Variants in RPA1 observed in about 807,000 individuals in gnomAD.
The protein encoded by RPA1 is replication protein A 70 kDa DNA-binding subunit.
A neutral mutation model predicts 83.0 loss-of-function variants in RPA1; 49 were observed. That is an observed-to-expected ratio of 0.59 (90% CI 0.47 to 0.75). The LOEUF is 0.75. Ranked by LOEUF, RPA1 falls within the 30% of genes least tolerant of loss-of-function variation. The probability of loss-of-function intolerance (pLI) is 0.00; values close to 1 mark genes in which losing one functional copy is unlikely to be tolerated. For missense variants in RPA1, 693 were observed against 776.1 expected (o/e 0.89, Z 1.27); for synonymous variants, 279 against 281.8 (o/e 0.99, Z 0.10).
chr17:1,853,171 C>A lies in RPA1; in HGVS notation c.343C>A (p.Pro115Thr). The change falls in exon 5 of 17, where the codon CCA (proline) becomes ACA (threonine). Residue 115 changes from proline (P) to threonine (T), a missense_variant. Transcript: ENST00000254719. ...AGCAGTTGGAGTGAAGATTGGCAAT[C>A]CAGTGCCCTATAATGAAGGTAAAAT... The part of the protein sequence containing the change: ...AEAVGVKIGN[P>T]VPYNEGLGQP... 1 of 1,613,906 alleles carries A rather than the reference C, an allele frequency of 6.2e-7. No homozygotes were observed. The highest frequency in any genetic ancestry group is 8.5e-7 in the Non-Finnish European group (1 of 1,179,826).
At chr17:1,843,598 CATTATTATTATTATT>C (rs139126914) in intron 2 of RPA1, among the ~76,000 whole-genome samples, 21 of 141,118 alleles carry the variant, frequency 1.5e-4, no homozygotes, top group African/African-American at 5.5e-4. Context: ...TTGGGTGCTT[CATTATTATTATTATT>C]ATTATTATTA....
At chr17:1,857,472 G>A (rs1843894219) in intron 5 of RPA1, among the ~76,000 whole-genome samples, 1 of 151,544 alleles carries the variant, frequency 6.6e-6, no homozygotes, top group South Asian at 2.1e-4. Context: ...GCTGCTCCAA[G>A]AACTAACTAG....
intron 5 of RPA1, among the ~76,000 whole-genome samples, chr17:1,864,008 A>G (rs775858050): frequency 2.0e-5 from 3 of 152,260 alleles, no homozygotes; most frequent in Non-Finnish European, 4.4e-5. Context: ...CATTGAAAAT[A>G]TAAAATCGAC....
chr17:1,836,405 C>T lies in RPA1; in HGVS notation c.33+6279C>T, dbSNP rs529756412. On this transcript the variant is annotated intron_variant, in intron 1 of 16. Coordinates refer to ENST00000254719, the MANE Select transcript of RPA1 (RefSeq NM_002945.5). ...GATTACAGGCATAAGCCACCATGCC[C>T]GGCCAAATTGCACGTATTTTAAATG... is the stretch of plus-strand genomic sequence containing the variant. 5.9e-5 allele frequency among the ~76,000 whole-genome samples: 9 copies of T among 152,200 alleles called. No homozygotes were observed. In the East Asian group the frequency reaches 9.7e-4, roughly 16 times the overall value.
rs1913706258 is a variant in RPA1 at position 1,879,662 on chromosome 17, C to G, written c.1055C>G (p.Ser352Cys). Reference sequence around the variant, plus strand: ...AGGAATATCTACTTGATGGACACATCCGGGAAGGTGGTGACTGCTACACTG... The same window carrying G: ...AGGAATATCTACTTGATGGACACATGCGGGAAGGTGGTGACTGCTACACTG... The part of the protein sequence containing the change: ...AKRNIYLMDT[S>C]GKVVTATLWG... Residue 352 changes from serine to cysteine, a missense_variant, in exon 11 of 17, where the codon TCC becomes TGC. Coordinates refer to ENST00000254719, the MANE Select transcript of RPA1 (RefSeq NM_002945.5). 8.7e-6 allele frequency: 14 copies of G among 1,614,220 alleles called. No individual in the cohort carries two copies. Among genetic ancestry groups the G allele is most frequent in the Non-Finnish European group, 1.2e-5 (14 of 1,180,032 alleles).
intron 5 of RPA1, among the ~76,000 whole-genome samples, chr17:1,865,371 C>T (rs1913138391): frequency 2.0e-5 from 3 of 152,056 alleles, no homozygotes; most frequent in Admixed American, 6.6e-5. Context: ...GAGTCTACTG[C>T]GGGAATGTTA....
At position 1,897,992 on chromosome 17, in the gene RPA1, C is replaced by G. The variant is rs1914509687; in HGVS notation, c.*817C>G. On this transcript the variant is annotated 3_prime_UTR_variant, in exon 17 of 17. Coordinates refer to ENST00000254719, the MANE Select transcript of RPA1 (RefSeq NM_002945.5). The stretch of plus-strand genomic sequence containing the variant: ...TGTATTTTGTTTTTTTTGACTAAAG[C>G]TATGTTACATGGAAAGGATTTTGAA... The G allele has an allele frequency of 6.6e-6, 1 of 152,194 alleles. No homozygotes were observed. Among genetic ancestry groups the G allele is most frequent in the South Asian group, 2.1e-4 (1 of 4,836 alleles). The allele number at this position is 152,194 out of a possible 1,614,324, so 9.4% of individuals were successfully genotyped here. A position where few individuals can be genotyped will look rare whatever the true frequency, so the allele number is the denominator to read the frequency against.
At chr17:1,896,997 C>A in intron 16 of RPA1, 74 bp from the exon 17 acceptor site, 2 of 1,296,304 alleles carry the variant, frequency 1.5e-6, no homozygotes, top group Non-Finnish European at 2.2e-6. Context: ...TCACTGAAAC[C>A]ACTGAAGCAA....
chr17:1,891,279 C>T (rs756741447), intron 14 of RPA1, among the ~76,000 whole-genome samples: 18 of 152,194 alleles, frequency 1.2e-4, no homozygotes, highest in Non-Finnish European at 2.4e-4. Flanking sequence ...CAGAGGCTCA[C>T]GGGCAGGCTC....
chr17:1,834,105 G>T (rs182512289), intron 1 of RPA1, among the ~76,000 whole-genome samples: 1 of 152,150 alleles, frequency 6.6e-6, no homozygotes, highest in Non-Finnish European at 1.5e-5. Context: ...GCTTGAACCC[G>T]TGAGGCAGAG....
At position 1,877,246 on chromosome 17, in the gene RPA1, C is replaced by T. The variant is rs1471744812; in HGVS notation, c.622C>T (p.Gln208Ter). The T allele has an allele frequency of 6.2e-7, 1 of 1,614,192 alleles. No homozygotes were observed. Among genetic ancestry groups the T allele is most frequent in the South Asian group, 1.1e-5 (1 of 91,072 alleles). Residue 208 changes from glutamine (Q) to a stop codon, truncating the protein, a stop_gained, in exon 8 of 17, where the codon CAG becomes TAG. Coordinates refer to ENST00000254719, the MANE Select transcript of RPA1 (RefSeq NM_002945.5). LOFTEE classifies it high-confidence loss of function. ...TICARVTNKS[Q>*]IRTWSNSRGE... Reference sequence around the variant, plus strand: ...TTGTGCTCGTGTTACCAACAAAAGTCAGATCCGTACCTGGAGCAACTCCCG... The same window carrying T: ...TTGTGCTCGTGTTACCAACAAAAGTTAGATCCGTACCTGGAGCAACTCCCG...
chr17:1,838,639 G>A (rs1597417505), intron 1 of RPA1, among the ~76,000 whole-genome samples: 1 of 149,710 alleles, frequency 6.7e-6, no homozygotes, highest in East Asian at 2.0e-4. Context: ...TTGCCTACCC[G>A]ACCCAAGGTC....
chr17:1,865,676 C>CT (rs2151281101), intron 5 of RPA1, among the ~76,000 whole-genome samples: 1 of 152,304 alleles, frequency 6.6e-6, no homozygotes, highest in East Asian at 1.9e-4. Flanking sequence ...TTTTATCCTT[C>CT]AGGCGTTTCT....
In RPA1 at chr17:1,897,490, C is replaced by T. The variant is rs1914488280; in HGVS notation, c.*315C>T. ...CAGGAATTATGTCGTAAGTCACTGA[C>T]CCTAACTGCAGACCATGAAGTAAAT... On this transcript the variant is annotated 3_prime_UTR_variant, in exon 17 of 17. Transcript: ENST00000254719. The T allele has an allele frequency of 1.2e-5, 3 of 243,592 alleles. No individual in the cohort carries two copies. Among genetic ancestry groups the T allele is most frequent in the Non-Finnish European group, 2.4e-5 (3 of 125,306 alleles). The allele number at this position is 243,592 out of a possible 1,614,324, so 15.1% of individuals were successfully genotyped here.
chr17:1,853,021 TC>T (rs1912556782), intron 4 of RPA1, 79 bp from the exon 5 acceptor site: 1 of 1,049,326 alleles, frequency 9.5e-7, no homozygotes. Flanking sequence ...ACAATGATCA[TC>T]GGGGAAAGCA....
Position 1,844,620 on chromosome 17 carries a change from A to T in RPA1, c.206A>T (p.Glu69Val). ...CAGTTGAACCCTCTCGTGGAGGAAG[A>T]ACAATTGTCCAGCAACTGTGTATGC... ...ATQLNPLVEE[E>V]QLSSNCVCQI... Residue 69 changes from glutamate to valine, a missense_variant, in exon 4 of 17, where the codon GAA (glutamate) becomes GTA (valine). Physicochemically the swap from Glu to Val is moderately radical, Grantham distance 121. Coordinates refer to ENST00000254719, the MANE Select transcript of RPA1 (RefSeq NM_002945.5). The T allele has an allele frequency of 1.9e-6, 3 of 1,613,878 alleles. No homozygotes were observed. The highest frequency in any genetic ancestry group is 2.5e-6 in the Non-Finnish European group (3 of 1,179,934).
chr17:1,883,184 T>C (rs1177458081), intron 12 of RPA1, among the ~76,000 whole-genome samples: 1 of 152,068 alleles, frequency 6.6e-6, no homozygotes, highest in African/African-American at 2.4e-5. Flanking sequence ...GAGACGGAGT[T>C]TCGGTCTTGT....
intron 5 of RPA1, among the ~76,000 whole-genome samples, chr17:1,865,926 G>A (rs1913158862): frequency 7.2e-5 from 11 of 151,992 alleles, no homozygotes; most frequent in Admixed American, 7.2e-4. Flanking sequence ...TGAGCGCTGC[G>A]CCCAGCCATA....
intron 14 of RPA1, 94 bp from the exon 15 acceptor site, chr17:1,891,739 A>T: frequency 2.4e-6 from 2 of 834,546 alleles, no homozygotes; most frequent in Non-Finnish European, 3.7e-6. Context: ...AAATTATTTT[A>T]ATAAGTGGAA....
Sources: gnomAD v4.1 joint callset for allele counts (sites outside exome capture counted in the v4.1 genomes callset) on GRCh38, gnomAD v4.1.1 for gene constraint, MANE v1.5 for transcripts, NCBI Gene and HGNC (gene_info 2026-07-23, HGNC 2026-07-21) for gene names.